PNPLA4: variants seen among roughly 807,000 people sequenced by gnomAD.
The protein encoded by PNPLA4 is patatin like domain 4, phospholipase and triacylglycerol lipase.
A neutral mutation model predicts 18.3 loss-of-function variants in PNPLA4; 15 were observed. The observed-to-expected ratio is 0.82, with a 90% CI of 0.55 to 1.26. The LOEUF (loss-of-function observed/expected upper bound fraction) is 1.26. Among genes scored for constraint, PNPLA4 ranks in the 50% most tolerant of loss-of-function variants. The pLI is 0.00. For missense variants in PNPLA4, 229 were observed against 196.8 expected, an observed-to-expected ratio of 1.16 and a Z score of -0.98; for synonymous variants, 88 against 85.6, an observed-to-expected ratio of 1.03 and a Z score of -0.16.
intron 4 of PNPLA4, among the ~76,000 whole-genome samples, chrX:7,920,528 A>G (rs1461331752): frequency 1.8e-5 from 2 of 112,578 alleles, no homozygotes; most frequent in African/African-American, 6.5e-5. Flanking sequence ...TCAACATTTC[A>G]TTAAGTATTT....
intron 5 of PNPLA4, among the ~76,000 whole-genome samples, chrX:7,906,514 G>A (rs919818996): frequency 8.9e-6 from 1 of 111,906 alleles, no homozygotes; most frequent in African/African-American, 3.3e-5. Flanking sequence ...ACACCATACA[G>A]AAAATTTTTC....
chrX:7,901,359 A>G lies in PNPLA4; in HGVS notation c.631-542T>C, dbSNP rs191286208. Among the ~76,000 whole-genome samples the G allele has an allele frequency of 3.1e-3, 351 of 111,875 alleles. 2 individuals are homozygous for G. The highest frequency in any genetic ancestry group is 5.4e-3 in the Non-Finnish European group (288 of 53,234). ...CACTTTGAGAGGCCGAGGCAGGTGG[A>G]TCACTTGAGCCCAGGAGCTCAGGAC... On this transcript the variant is annotated intron_variant, in intron 6 of 6. Transcript: ENST00000381042.
At chrX:7,921,450 A>G (rs1483222282) in intron 4 of PNPLA4, among the ~76,000 whole-genome samples, 2 of 112,135 alleles carry the variant, frequency 1.8e-5, no homozygotes, top group Non-Finnish European at 3.8e-5. Context: ...CTTGCTTCAC[A>G]TAATCAACGT....
At chrX:7,924,610 C>T (rs1290415133) in intron 2 of PNPLA4, among the ~76,000 whole-genome samples, 1 of 111,826 alleles carries the variant, frequency 8.9e-6, no homozygotes, top group Non-Finnish European at 1.9e-5. Flanking sequence ...ACAACCCAGT[C>T]TCTCATTTAG....
In PNPLA4 at chrX:7,926,066, G is replaced by A. The variant is rs767789347; in HGVS notation, c.54C>T (p.His18=). The change falls in exon 2 of 7, where the codon CAC becomes CAT. Residue 18 remains histidine (H), a synonymous_variant. Coordinates refer to ENST00000381042, the MANE Select transcript of PNPLA4 (RefSeq NM_004650.3). ...TGCAAAGTGCAGATGCTGCCCCCAA[G>A]TGGTAAATGCCCAGAAATCCACACG... ...FAACGFLGIY[H]LGAASALCRH... is the part of the protein sequence containing the mutation. 4.1e-6 allele frequency: 5 copies of A among 1,211,172 alleles called. No homozygotes were observed. The highest frequency in any genetic ancestry group is 2.3e-4 in the Middle Eastern group (1 of 4,263).
Position 7,900,554 on chromosome X carries a change from AT to A in PNPLA4, c.*131del. 2.2e-6 allele frequency: 1 copy of A among 448,672 alleles called. No individual in the cohort carries two copies. 37.0% of individuals were successfully genotyped at this position (448,672 alleles called of 1,213,427 possible). A position where few individuals can be genotyped will look rare whatever the true frequency, so the allele number is the denominator to read the frequency against. On this transcript the variant is annotated 3_prime_UTR_variant, in exon 7 of 7. Transcript: ENST00000381042. ...CCATGTGCTAAGTAATAATTCAAATATTAAAAATAAACACAAATATTACAAG... is the reference window on the plus strand; with the variant it reads ...CCATGTGCTAAGTAATAATTCAAATATAAAAATAAACACAAATATTACAAG...
chrX:7,925,917 A>C (rs778924858), intron 2 of PNPLA4, 23 bp downstream of exon 2: 14 of 1,187,015 alleles, frequency 1.2e-5, no homozygotes, highest in Admixed American at 1.1e-4. Context: ...TGAGGAACAC[A>C]GCCTAAGTTA....
Position 7,911,571 on chromosome X carries a change from T to C in PNPLA4, c.477+457A>G, listed in dbSNP as rs183491334. On this transcript the variant is annotated intron_variant, in intron 5 of 6. Coordinates refer to ENST00000381042, the MANE Select transcript of PNPLA4 (RefSeq NM_004650.3). ...TTGGCCTTGCAGTGATCAACGTGTC[T>C]GGGTAAGTAGAGAGCCTTGGAGGGG... Among the ~76,000 whole-genome samples, 43 of 111,148 alleles carry C rather than the reference T, an allele frequency of 3.9e-4. 4 individuals are homozygous for C. The East Asian group carries it at 0.012, about 31-fold the overall frequency.
chrX:7,926,149 C>T lies in PNPLA4; in HGVS notation c.-13-17G>A. 8.7e-7 allele frequency: 1 copy of T among 1,144,298 alleles called. No individual in the cohort carries two copies. Among genetic ancestry groups the T allele is most frequent in the South Asian group, 1.9e-5 (1 of 51,805 alleles). 94.3% of individuals were successfully genotyped at this position (1,144,298 alleles called of 1,213,427 possible). On this transcript the variant is annotated splice_polypyrimidine_tract_variant and intron_variant, in intron 1 of 6. Transcript: ENST00000381042. ...GCTGTAGCACTGGCAATACAAAAAA[C>T]AAAAATGCTGTAAGTTGGAATAGTT...
intron 4 of PNPLA4, among the ~76,000 whole-genome samples, chrX:7,916,442 A>T (rs1286550229): frequency 3.6e-5 from 4 of 111,588 alleles, no homozygotes. Flanking sequence ...GAATCATGCT[A>T]AATAATGAAC....
intron 5 of PNPLA4, among the ~76,000 whole-genome samples, chrX:7,906,726 T>TA (rs1444724180): frequency 1.8e-5 from 2 of 112,235 alleles, no homozygotes; most frequent in Admixed American, 1.9e-4. Flanking sequence ...GTAAAAAGTC[T>TA]AAGCCACGAG....
chrX:7,916,199 T>C (rs972044730), intron 4 of PNPLA4, among the ~76,000 whole-genome samples: 1 of 112,151 alleles, frequency 8.9e-6, no homozygotes, highest in Admixed American at 9.4e-5. Flanking sequence ...AGCTCAGCCT[T>C]GGAAGTTGCA....
At chrX:7,901,937 G>A in intron 6 of PNPLA4, 52 bp downstream of exon 6, 1 of 1,136,014 alleles carries the variant, frequency 8.8e-7, no homozygotes, top group East Asian at 3.1e-5. Flanking sequence ...AATTCTGTGG[G>A]AATTTTTAGT....
intron 5 of PNPLA4, among the ~76,000 whole-genome samples, chrX:7,907,452 T>G (rs1923741784): frequency 8.9e-6 from 1 of 112,626 alleles, no homozygotes; most frequent in East Asian, 2.8e-4. Flanking sequence ...AAAATTTTCA[T>G]TCTTATTCCA....
intron 6 of PNPLA4, among the ~76,000 whole-genome samples, chrX:7,901,603 GCT>G (rs1427363518): frequency 9.0e-6 from 1 of 111,112 alleles, no homozygotes; most frequent in Admixed American, 9.6e-5. Flanking sequence ...GAAAAAAATT[GCT>G]CTGATATCCT....
intron 5 of PNPLA4, among the ~76,000 whole-genome samples, chrX:7,911,108 GC>G (rs1390543495): frequency 9.1e-6 from 1 of 109,534 alleles, no homozygotes; most frequent in Non-Finnish European, 1.9e-5. Context: ...AATAGATACT[GC>G]ATTTAATTAC....
chrX:7,919,527 A>G (rs899528452), intron 4 of PNPLA4, among the ~76,000 whole-genome samples: 2 of 112,605 alleles, frequency 1.8e-5, no homozygotes, highest in African/African-American at 6.5e-5. Flanking sequence ...GCCATGACAC[A>G]GAATCCAGAA....
chrX:7,910,460 C>A (rs1395400908), intron 5 of PNPLA4, among the ~76,000 whole-genome samples: 2 of 110,089 alleles, frequency 1.8e-5, no homozygotes, highest in Non-Finnish European at 3.8e-5. Context: ...TTTGTATGTA[C>A]TCTTTTATTA....
At chrX:7,925,864 T>TC (rs1924376264) in intron 2 of PNPLA4, 76 bp downstream of exon 2, 2 of 851,848 alleles carry the variant, frequency 2.3e-6, no homozygotes, top group Non-Finnish European at 3.4e-6. Context: ...GTTAACTTAG[T>TC]AGAGTCAATG....
Sources: allele counts gnomAD v4.1 joint callset (sites outside exome capture counted in the v4.1 genomes callset), GRCh38; gene constraint gnomAD v4.1.1; transcripts MANE v1.5; gene names NCBI Gene and HGNC (gene_info 2026-07-23, HGNC 2026-07-21).